The following TXNRD1 variants were observed in gnomAD, a reference collection of about 807,000 sequenced individuals.
TXNRD1 encodes thioredoxin reductase 1, cytoplasmic.
A neutral mutation model predicts 80.3 loss-of-function variants in TXNRD1; 57 were observed. The observed-to-expected ratio is 0.71, with a 90% CI of 0.57 to 0.89. The LOEUF (loss-of-function observed/expected upper bound fraction) is 0.89, where lower values mean the gene tolerates loss of function less well. Ranked by LOEUF, TXNRD1 falls within the 40% of genes least tolerant of loss-of-function variation. TXNRD1 has a pLI of 0.00. For missense variants in TXNRD1, 730 were observed against 803.0 expected, an observed-to-expected ratio of 0.91 and a Z score of 1.10; for synonymous variants, 291 against 285.2, an observed-to-expected ratio of 1.02 and a Z score of -0.20.
At position 104,303,868 on chromosome 12, in the gene TXNRD1, G is replaced by A. The variant is rs1345250756; in HGVS notation, c.415-7422G>A. On this transcript the variant is annotated intron_variant, in intron 4 of 16. Transcript: ENST00000525566. ...GGAAGGGAGACGAAGAGAAAGGAGA[G>A]GAGCAGCTCGTGATCATCCCCGGTA... 4 of 1,476,314 alleles carry A rather than the reference G, an allele frequency of 2.7e-6. No individual in the cohort carries two copies. In the East Asian group the frequency reaches 7.2e-5, roughly 27 times the overall value. 91.5% of individuals were successfully genotyped at this position (1,476,314 alleles called of 1,614,324 possible).
At chr12:104,304,574 C>G (rs762165593) in intron 4 of TXNRD1, 1 of 1,613,992 alleles carries the variant, frequency 6.2e-7, no homozygotes, top group Non-Finnish European at 8.5e-7. Context: ...GAGTAGTTAT[C>G]CAGAAGCGAC....
chr12:104,219,928 TGTGTAGATTAAAAA>T (rs2032312393), intron 1 of TXNRD1, among the ~76,000 whole-genome samples: 3 of 152,184 alleles, frequency 2.0e-5, no homozygotes, highest in Admixed American at 6.5e-5. Flanking sequence ...ATGCTGGGAA[TGTGTAGATTAAAAA>T]CTCATTTTCC....
At chr12:104,268,875 C>G (rs2135722332) in intron 3 of TXNRD1, among the ~76,000 whole-genome samples, 1 of 150,662 alleles carries the variant, frequency 6.6e-6, no homozygotes, top group East Asian at 2.0e-4. Flanking sequence ...CACTGCTTAT[C>G]AATTAAATTT....
chr12:104,307,475 T>G (rs2034964784), intron 4 of TXNRD1, among the ~76,000 whole-genome samples: 1 of 152,256 alleles, frequency 6.6e-6, no homozygotes, highest in Non-Finnish European at 1.5e-5. Context: ...CCAGCCACTA[T>G]GCTAACATGC....
intron 3 of TXNRD1, among the ~76,000 whole-genome samples, chr12:104,272,653 G>C (rs1009332349): frequency 6.6e-6 from 1 of 151,864 alleles, no homozygotes; most frequent in African/African-American, 2.4e-5. Flanking sequence ...TTAGCTGGGC[G>C]TGGTGGCGGG....
chr12:104,318,002 A>G (rs866287066), intron 7 of TXNRD1, among the ~76,000 whole-genome samples: 1 of 152,154 alleles, frequency 6.6e-6, no homozygotes, highest in African/African-American at 2.4e-5. Flanking sequence ...TTAGCTGGGC[A>G]TGATGGCCCA....
chr12:104,251,785 G>C, intron 2 of TXNRD1, 107 bp downstream of exon 2: 1 of 1,335,644 alleles, frequency 7.5e-7, no homozygotes, highest in Non-Finnish European at 1.0e-6. Flanking sequence ...GTGTATGTAG[G>C]CTGGGCGCGG....
intron 3 of TXNRD1, among the ~76,000 whole-genome samples, chr12:104,261,548 G>A (rs1027124359): frequency 6.6e-6 from 1 of 152,080 alleles, no homozygotes; most frequent in Non-Finnish European, 1.5e-5. Flanking sequence ...GTTGCCAGTG[G>A]GGAGGTGCGG....
intron 3 of TXNRD1, among the ~76,000 whole-genome samples, chr12:104,272,990 C>CAAA (rs148264434): frequency 6.8e-6 from 1 of 147,274 alleles, no homozygotes; most frequent in Non-Finnish European, 1.5e-5. Context: ...GACTCCATCT[C>CAAA]AAAAAAAAAA....
intron 10 of TXNRD1, among the ~76,000 whole-genome samples, chr12:104,322,753 A>G (rs1049071052): frequency 6.6e-6 from 1 of 152,150 alleles, no homozygotes; most frequent in East Asian, 1.9e-4. Flanking sequence ...CAACAGTTGT[A>G]TGTATATGCT....
At chr12:104,290,625 G>T (rs1221475803) in intron 4 of TXNRD1, among the ~76,000 whole-genome samples, 1 of 149,172 alleles carries the variant, frequency 6.7e-6, no homozygotes, top group Non-Finnish European at 1.5e-5. Flanking sequence ...ACTTGAACCT[G>T]GAGGTGGAGG....
intron 4 of TXNRD1, among the ~76,000 whole-genome samples, chr12:104,305,937 A>C (rs553033414): frequency 6.6e-6 from 1 of 151,422 alleles, no homozygotes; most frequent in Non-Finnish European, 1.5e-5. Flanking sequence ...ACAGAGTATC[A>C]CTCTTGCCCA....
rs532388284 is a variant in TXNRD1, at chr12:104,327,979, C to T, written c.1542+308C>T. The stretch of plus-strand genomic sequence containing the variant: ...TTCAAGACCAGCCTGGCCAACATGG[C>T]GAAACCCCATCTCTACTAAAAATAC... On this transcript the variant is annotated intron_variant, in intron 13 of 16. Transcript: ENST00000525566. Among the ~76,000 whole-genome samples, 17 of 151,122 alleles carry T rather than the reference C, an allele frequency of 1.1e-4. 3 individuals are homozygous for T. The highest frequency in any genetic ancestry group is 7.3e-4 in the Admixed American group (11 of 15,136).
At position 104,290,446 on chromosome 12, in the gene TXNRD1, CCT is replaced by C. The variant is rs756992607; in HGVS notation, c.414+1407_414+1408del. On this transcript the variant is annotated intron_variant, in intron 4 of 16. Transcript: ENST00000525566. ...GTGGCTCACACTTGTAATCCCAGCA[CCT>C]TGGGAGGCCGAGGCAGGCGGATTGC... Among the ~76,000 whole-genome samples the C allele has an allele frequency of 9.9e-5, 15 of 151,908 alleles. No individual in the cohort carries two copies. In the East Asian group the frequency reaches 2.9e-3, roughly 29 times the overall value.
intron 3 of TXNRD1, among the ~76,000 whole-genome samples, chr12:104,279,882 G>A (rs547604488): frequency 6.6e-6 from 1 of 152,128 alleles, no homozygotes; most frequent in Admixed American, 6.5e-5. Flanking sequence ...GGCCAACATG[G>A]TGAAACCCTC....
chr12:104,329,002 T>C (rs1384473548), intron 13 of TXNRD1, among the ~76,000 whole-genome samples: 14 of 152,164 alleles, frequency 9.2e-5, no homozygotes, highest in Admixed American at 9.2e-4. Context: ...TTCAGTTGGT[T>C]ACAGTAATGG....
At chr12:104,262,776 G>C (rs895291392) in intron 3 of TXNRD1, among the ~76,000 whole-genome samples, 16 of 101,088 alleles carry the variant, frequency 1.6e-4, no homozygotes, top group Non-Finnish European at 3.5e-4. Flanking sequence ...AGACTTGTTT[G>C]TGTTTTTTTT....
At chr12:104,300,397 C>T (rs569433656) in intron 4 of TXNRD1, among the ~76,000 whole-genome samples, 10 of 152,328 alleles carry the variant, frequency 6.6e-5, no homozygotes, top group African/African-American at 2.2e-4. Context: ...GTCTATACTG[C>T]GGGAATAAGG....
At position 104,311,375 on chromosome 12, in the gene TXNRD1, T is replaced by G; in HGVS notation, c.500T>G (p.Ile167Ser). ...AAGTCCTATGACTATGACCTTATCA[T>G]CATTGGAGGTGGCTCAGGAGGTCTG... ...LPKSYDYDLIIIGGGSGGLAA... is the reference protein window; with the variant it reads ...LPKSYDYDLISIGGGSGGLAA... The change falls in exon 5 of 17, where the codon ATC (isoleucine) becomes AGC (serine). Residue 167 changes from isoleucine (I) to serine (S), a missense_variant. Physicochemically the swap from Ile to Ser is moderately radical, Grantham distance 142. Coordinates refer to ENST00000525566, the MANE Select transcript of TXNRD1 (RefSeq NM_001093771.3). The G allele has an allele frequency of 6.2e-7, 1 of 1,613,694 alleles. No individual in the cohort carries two copies. The highest frequency in any genetic ancestry group is 1.1e-5 in the South Asian group (1 of 90,996).
Sources: allele counts gnomAD v4.1 joint callset (sites outside exome capture counted in the v4.1 genomes callset), GRCh38; gene constraint gnomAD v4.1.1; transcripts MANE v1.5; gene names NCBI Gene and HGNC (gene_info 2026-07-23, HGNC 2026-07-21).